Variants in CRAT observed in about 807,000 individuals in gnomAD.
CRAT encodes the protein carnitine O-acetyltransferase, also known as carnitine acetylase.
Under a neutral mutation model 73.7 loss-of-function variants are expected in CRAT, and 66 were observed. That is an observed-to-expected ratio of 0.90 (90% CI 0.73 to 1.10). The LOEUF (loss-of-function observed/expected upper bound fraction) is 1.10. Among genes scored for constraint, CRAT ranks in the 50% least tolerant of loss-of-function variants. The pLI, the probability that CRAT is intolerant of heterozygous loss-of-function variation, is 0.00. For missense variants in CRAT, 745 were observed against 846.9 expected, an observed-to-expected ratio of 0.88 and a Z score of 1.49; for synonymous variants, 321 against 343.2, an observed-to-expected ratio of 0.94 and a Z score of 0.71.
chr9:129,110,621 C>A lies in CRAT; in HGVS notation c.-112G>T. 2 of 1,257,704 alleles carry A rather than the reference C, an allele frequency of 1.6e-6. No homozygotes were observed. 77.9% of individuals were successfully genotyped at this position (1,257,704 alleles called of 1,614,324 possible). A position where few individuals can be genotyped will look rare whatever the true frequency, so the allele number is the denominator to read the frequency against. ...TGGGTCCTTGCTAGAGCCTTCGGGCCAAGGTCGCTGAGTTACAGCCGCCAG... is the reference window on the plus strand; with the variant it reads ...TGGGTCCTTGCTAGAGCCTTCGGGCAAAGGTCGCTGAGTTACAGCCGCCAG... On this transcript the variant is annotated 5_prime_UTR_variant, in exon 1 of 14. Transcript: ENST00000318080. The surrounding 1 kb of genome is among the most constrained non-coding windows in gnomAD (Gnocchi z 5.3).
chr9:129,096,762 C>A (rs988227091), intron 12 of CRAT, among the ~76,000 whole-genome samples: 6 of 152,230 alleles, frequency 3.9e-5, no homozygotes, highest in Admixed American at 6.5e-5. Flanking sequence ...GGCTGGGTTT[C>A]TCCAACTTTA....
intron 5 of CRAT, 109 bp downstream of exon 5, chr9:129,102,291 C>T (rs1847722741): frequency 1.4e-6 from 2 of 1,462,794 alleles, no homozygotes; most frequent in Non-Finnish European, 1.9e-6. Context: ...ATTCCTGGGG[C>T]ACGTGGGCAC....
In CRAT at chr9:129,107,862, C is replaced by T; in HGVS notation, c.243G>A (p.Glu81=). The T allele has an allele frequency of 2.5e-6, 4 of 1,612,678 alleles. No individual in the cohort carries two copies. The highest frequency in any genetic ancestry group is 3.4e-6 in the Non-Finnish European group (4 of 1,180,010). The change falls in exon 2 of 14, where the codon GAG becomes GAA. Residue 81 remains glutamate (E), a synonymous_variant. Coordinates refer to ENST00000318080, the MANE Select transcript of CRAT (RefSeq NM_000755.5). This position sits in a 1 kb window ranked among gnomAD's most constrained non-coding sequence, Gnocchi z 5.0. ...GACGCTCCAGCCCCTTCTGCAGGCGCTCCCCTACACCTCCTGAGGCCTGAA... is the reference window on the plus strand; with the variant it reads ...GACGCTCCAGCCCCTTCTGCAGGCGTTCCCCTACACCTCCTGAGGCCTGAA... ...DEFQASGGVG[E]RLQKGLERRA...
intron 10 of CRAT, 28 bp from the exon 11 acceptor site, chr9:129,098,176 C>T: frequency 1.9e-6 from 3 of 1,613,024 alleles, no homozygotes; most frequent in Non-Finnish European, 2.5e-6. Context: ...TAAGCACGCC[C>T]CTTGGAGGCG....
At position 129,103,129 on chromosome 9, in the gene CRAT, G is replaced by A. The variant is rs1847794513; in HGVS notation, c.411-63C>T. On this transcript the variant is annotated intron_variant, in intron 3 of 13. Transcript: ENST00000318080. This position sits in a 1 kb window ranked among gnomAD's most constrained non-coding sequence, Gnocchi z 4.6. The stretch of plus-strand genomic sequence containing the variant: ...ACCCTGAGGGAGGCCCCGGGCTAGG[G>A]ACACCTGCTTGGGGAGCGGGAGGTC... 1 of 1,424,666 alleles carries A rather than the reference G, an allele frequency of 7.0e-7. No individual in the cohort carries two copies. Among genetic ancestry groups the A allele is most frequent in the East Asian group, 2.3e-5 (1 of 43,978 alleles). 88.3% of individuals were successfully genotyped at this position (1,424,666 alleles called of 1,614,324 possible). A position where few individuals can be genotyped will look rare whatever the true frequency, so the allele number is the denominator to read the frequency against.
In CRAT at chr9:129,095,469, C is replaced by T; in HGVS notation, c.1809G>A (p.Leu603=). The change falls in exon 14 of 14, where the codon CTG becomes CTA. Residue 603 remains leucine (L), a synonymous_variant. Coordinates refer to ENST00000318080, the MANE Select transcript of CRAT (RefSeq NM_000755.5). ...GGAGCGCCTTCTCCAGGTAATGCGC[C>T]AGGCGGGCGGCGTTGGTCTCCGCGC... The part of the protein sequence containing the change: ...NSCAETNAAR[L]AHYLEKALLD... 6.2e-7 allele frequency: 1 copy of T among 1,613,444 alleles called. No individual in the cohort carries two copies. Among genetic ancestry groups the T allele is most frequent in the Non-Finnish European group, 8.5e-7 (1 of 1,179,984 alleles).
Position 129,108,955 on chromosome 9 carries a change from C to CGA in CRAT, c.28-880_28-879dup, listed in dbSNP as rs370722461. 5.6e-6 allele frequency: 7 copies of CGA among 1,248,330 alleles called. No individual in the cohort carries two copies. In the African/African-American group the frequency reaches 7.7e-5, roughly 14 times the overall value. The allele number at this position is 1,248,330 out of a possible 1,614,324, so 77.3% of individuals were successfully genotyped here. A position where few individuals can be genotyped will look rare whatever the true frequency, so the allele number is the denominator to read the frequency against. On this transcript the variant is annotated intron_variant, in intron 1 of 13. Transcript: ENST00000318080. ...TTCAGCGGGAGGCAGGTGGCAGTGGCGATGGCTGTGGTGGAATCGGGGGTT... is the reference window on the plus strand; with the variant it reads ...TTCAGCGGGAGGCAGGTGGCAGTGGCGAGATGGCTGTGGTGGAATCGGGGGTT...
At chr9:129,099,589 G>T (rs1483123849) in intron 8 of CRAT, among the ~76,000 whole-genome samples, 9 of 132,972 alleles carry the variant, frequency 6.8e-5, no homozygotes, top group Admixed American at 2.3e-4. Context: ...ACCACACCTG[G>T]GTAATTTTTT....
In CRAT at chr9:129,110,408, C is replaced by A; in HGVS notation, c.27+75G>T. ...TCGAACAGCGGCCGCAGGACGCGGT[C>A]TCCGTTCCCGGACGCAACCGCACGG... On this transcript the variant is annotated intron_variant, in intron 1 of 13. Transcript: ENST00000318080. This position sits in a 1 kb window ranked among gnomAD's most constrained non-coding sequence, Gnocchi z 5.3. The A allele has an allele frequency of 2.1e-6, 3 of 1,428,122 alleles. No individual in the cohort carries two copies. Among genetic ancestry groups the A allele is most frequent in the South Asian group, 1.3e-5 (1 of 74,424 alleles). The allele number at this position is 1,428,122 out of a possible 1,614,324, so 88.5% of individuals were successfully genotyped here. A position where few individuals can be genotyped will look rare whatever the true frequency, so the allele number is the denominator to read the frequency against.
At position 129,095,317 on chromosome 9, in the gene CRAT, A is replaced by C; in HGVS notation, c.*80T>G. ...GGAAGAGGGAACCAAGGAAGAGGGAACCAAGGAGCTGAGCCCTGGTGGGTG... is the reference window on the plus strand; with the variant it reads ...GGAAGAGGGAACCAAGGAAGAGGGACCCAAGGAGCTGAGCCCTGGTGGGTG... On this transcript the variant is annotated 3_prime_UTR_variant, in exon 14 of 14. Transcript: ENST00000318080. 2 of 1,435,204 alleles carry C rather than the reference A, an allele frequency of 1.4e-6. No individual in the cohort carries two copies. The highest frequency in any genetic ancestry group is 1.9e-6 in the Non-Finnish European group (2 of 1,039,316). The allele number at this position is 1,435,204 out of a possible 1,614,324, so 88.9% of individuals were successfully genotyped here.
chr9:129,107,264 C>T lies in CRAT; in HGVS notation c.291+550G>A. On this transcript the variant is annotated intron_variant, in intron 2 of 13. Transcript: ENST00000318080. The surrounding 1 kb of genome is among the most constrained non-coding windows in gnomAD (Gnocchi z 5.0). ...GGCCAGGCTGGTCCCGAACTCCTGA[C>T]CTTGTGATCTGCCCGCCTTGGACTC... The T allele has an allele frequency of 4.1e-6, 1 of 241,952 alleles. No individual in the cohort carries two copies. Among genetic ancestry groups the T allele is most frequent in the Non-Finnish European group, 8.0e-6 (1 of 124,574 alleles). 15.0% of individuals were successfully genotyped at this position (241,952 alleles called of 1,614,324 possible).
intron 12 of CRAT, among the ~76,000 whole-genome samples, 179 bp from the exon 13 acceptor site, chr9:129,096,314 G>A (rs1269138274): frequency 1.3e-5 from 2 of 152,270 alleles, no homozygotes; most frequent in East Asian, 3.8e-4. Flanking sequence ...GGCTCAGGGA[G>A]GGGCGGGGAT....
Position 129,097,706 on chromosome 9 carries a change from C to T in CRAT, c.1464+307G>A, listed in dbSNP as rs549686704. ...CCTGGGCAACAGAGTGAGACTCTTTCTAAAAAAAAACAAGAAAAAAAAAGA... is the reference window on the plus strand; with the variant it reads ...CCTGGGCAACAGAGTGAGACTCTTTTTAAAAAAAAACAAGAAAAAAAAAGA... On this transcript the variant is annotated intron_variant, in intron 11 of 13. Coordinates refer to ENST00000318080, the MANE Select transcript of CRAT (RefSeq NM_000755.5). The T allele has an allele frequency of 2.4e-4, 68 of 283,244 alleles. 1 individual carries two copies. In the East Asian group the frequency reaches 4.1e-3, roughly 17 times the overall value. The allele number at this position is 283,244 out of a possible 1,614,324, so 17.5% of individuals were successfully genotyped here.
Position 129,107,911 on chromosome 9 carries a change from T to A in CRAT, c.194A>T (p.His65Leu), listed in dbSNP as rs756737105. Reference sequence around the variant, plus strand: ...AAACTCATCCACCAGCTGCTTGGTGTGGGCCCACTCCTCCTCACTCACGAT... The same window carrying A: ...AAACTCATCCACCAGCTGCTTGGTGAGGGCCCACTCCTCCTCACTCACGAT... ...QPIVSEEEWA[H>L]TKQLVDEFQA... Residue 65 changes from histidine to leucine, a missense_variant, in exon 2 of 14, where the codon CAC (histidine) becomes CTC (leucine). Coordinates refer to ENST00000318080, the MANE Select transcript of CRAT (RefSeq NM_000755.5). The surrounding 1 kb of genome is among the most constrained non-coding windows in gnomAD (Gnocchi z 5.0). 1.9e-5 allele frequency: 30 copies of A among 1,610,952 alleles called. No homozygotes were observed. The highest frequency in any genetic ancestry group is 2.4e-5 in the Non-Finnish European group (28 of 1,179,902).
rs746649421 is a variant in CRAT, at chr9:129,102,020, G to C, written c.668C>G (p.Pro223Arg). The C allele has an allele frequency of 7.4e-6, 12 of 1,614,046 alleles. No homozygotes were observed. The highest frequency in any genetic ancestry group is 9.3e-6 in the Non-Finnish European group (11 of 1,180,012). The change falls in exon 6 of 14, where the codon CCC becomes CGC. Residue 223 changes from proline (P) to arginine (R), a missense_variant. Pro to Arg is a moderately radical substitution (Grantham distance 103, BLOSUM62 -2). Coordinates refer to ENST00000318080, the MANE Select transcript of CRAT (RefSeq NM_000755.5). ...CACAAAGATCTGATCCGCAGTGAGG[G>C]GTGTCCCGTCACTGTGGTACACATC... ...ELDVYHSDGT[P>R]LTADQIFVQL...
In CRAT at chr9:129,110,732, T is replaced by TGGGCCGGTAGCGGGCCCC. The variant is rs1348079393; in HGVS notation, c.-241_-224dup. 4 of 608,776 alleles carry TGGGCCGGTAGCGGGCCCC rather than the reference T, an allele frequency of 6.6e-6. No homozygotes were observed. The highest frequency in any genetic ancestry group is 1.1e-5 in the Non-Finnish European group (4 of 379,484). The allele number at this position is 608,776 out of a possible 1,614,324, so 37.7% of individuals were successfully genotyped here. The stretch of plus-strand genomic sequence containing the variant: ...GGAGGAGGACTCGCGAGGCGGGGCC[T>TGGGCCGGTAGCGGGCCCC]GGGCCGGTAGCGGGCCCCGGGCGGG... On this transcript the variant is annotated 5_prime_UTR_variant, in exon 1 of 14. Transcript: ENST00000318080. The surrounding 1 kb of genome is among the most constrained non-coding windows in gnomAD (Gnocchi z 5.3).
intron 6 of CRAT, 143 bp from the exon 7 acceptor site, chr9:129,100,832 G>T: frequency 1.0e-6 from 1 of 971,672 alleles, no homozygotes; most frequent in Non-Finnish European, 1.5e-6. Context: ...CACCTCGCCG[G>T]CCCTCCAGGG....
rs940524752 is a variant in CRAT at position 129,095,554 on chromosome 9, C to T, written c.1724G>A (p.Gly575Asp). ...GGCCTCCATGGGGTTATAGCAGACA[C>T]CGTAGCCGTCGGGGACCACGGGCCC... ...FFGPVVPDGY[G>D]VCYNPMEAHI... Residue 575 changes from glycine (G) to aspartate (D), a missense_variant, in exon 14 of 14, where the codon GGT (glycine) becomes GAT (aspartate). Coordinates refer to ENST00000318080, the MANE Select transcript of CRAT (RefSeq NM_000755.5). 6.2e-7 allele frequency: 1 copy of T among 1,613,442 alleles called. No homozygotes were observed. The highest frequency in any genetic ancestry group is 2.2e-5 in the East Asian group (1 of 44,882).
At chr9:129,104,753 A>T (rs4080490) in intron 2 of CRAT, among the ~76,000 whole-genome samples, 12 of 149,504 alleles carry the variant, frequency 8.0e-5, no homozygotes, top group East Asian at 7.8e-4. Flanking sequence ...TACAGGCGCC[A>T]GCCACCACAC....
Sources: gnomAD v4.1 joint callset for allele counts (sites outside exome capture counted in the v4.1 genomes callset) on GRCh38, gnomAD v4.1.1 for gene constraint, Gnocchi (gnomAD v3.1) non-coding constraint, MANE v1.5 for transcripts, NCBI Gene and HGNC (gene_info 2026-07-23, HGNC 2026-07-21) for gene names.